NWD1: variants seen among roughly 807,000 people sequenced by gnomAD.
The protein encoded by NWD1 is NACHT and WD repeat domain containing 1.
NWD1 carries 129 observed loss-of-function variants against 135.1 expected under a neutral mutation model. That is an observed-to-expected ratio of 0.96 (90% CI 0.83 to 1.11). NWD1 has a LOEUF of 1.11. NWD1 is among the 50% of genes least tolerant of loss of function. The pLI is 0.00. For synonymous variants in NWD1, 773 were observed against 786.0 expected (o/e 0.98, Z 0.28); for missense variants, 1,740 against 1,851.3 (o/e 0.94, Z 1.10).
At chr19:16,731,410 G>A (rs57820084) in intron 3 of NWD1, 132 bp downstream of exon 3, 33,199 of 580,414 alleles carry the variant, frequency 0.057, 1,441 homozygotes, top group African/African-American at 0.17. Context: ...GGGTTCAAGC[G>A]ATTCTCCTGC....
intron 12 of NWD1, among the ~76,000 whole-genome samples, chr19:16,783,247 C>T (rs1240186713): frequency 1.3e-5 from 2 of 151,888 alleles, no homozygotes; most frequent in Non-Finnish European, 2.9e-5. Flanking sequence ...GTTTCCCAGG[C>T]TGGTCTTGAA....
At chr19:16,787,901 AATAATCATCATC>A (rs1157441209) in intron 12 of NWD1, among the ~76,000 whole-genome samples, 930 of 84,252 alleles carry the variant, frequency 0.011, 3 homozygotes, top group Middle Eastern at 0.015. Context: ...TAATAATAAT[AATAATCATCATC>A]ATCATCATCA....
intron 1 of NWD1, chr19:16,721,626 T>C (rs1184090976): frequency 5.4e-5 from 4 of 74,144 alleles, no homozygotes; most frequent in African/African-American, 2.2e-4. Context: ...AGGTGAGTTG[T>C]GGGAAGGTGG....
At chr19:16,771,262 G>A (rs1383274199) in intron 10 of NWD1, among the ~76,000 whole-genome samples, 1 of 152,148 alleles carries the variant, frequency 6.6e-6, no homozygotes, top group Non-Finnish European at 1.5e-5. Context: ...GACCAGCCTT[G>A]GTGACAGTGA....
chr19:16,794,846 A>G (rs1970368085), intron 15 of NWD1, among the ~76,000 whole-genome samples: 1 of 152,060 alleles, frequency 6.6e-6, no homozygotes, highest in Admixed American at 6.6e-5. Context: ...GAGTGGCTCA[A>G]TCATAATTCA....
At chr19:16,767,894 G>A (rs112003509) in intron 10 of NWD1, among the ~76,000 whole-genome samples, 6,323 of 150,274 alleles carry the variant, frequency 0.042, 402 homozygotes, top group African/African-American at 0.14. Context: ...GTATTTTACA[G>A]TATTTGTCCT....
chr19:16,809,046 G>T (rs1438949161), intron 18 of NWD1, among the ~76,000 whole-genome samples: 1 of 152,024 alleles, frequency 6.6e-6, no homozygotes, highest in Non-Finnish European at 1.5e-5. Flanking sequence ...ATAGAGCAAG[G>T]CCTGTCTCAA....
chr19:16,814,544 AC>A (rs1433516244), intron 18 of NWD1, among the ~76,000 whole-genome samples: 2 of 152,246 alleles, frequency 1.3e-5, no homozygotes, highest in Non-Finnish European at 2.9e-5. Context: ...GGTGGAGCCT[AC>A]TACATTGTAG....
chr19:16,773,902 C>T (rs1020043056), intron 11 of NWD1, among the ~76,000 whole-genome samples: 1 of 148,034 alleles, frequency 6.8e-6, no homozygotes, highest in African/African-American at 2.5e-5. Context: ...CATCCATCCA[C>T]CAGCCTCCCA....
intron 1 of NWD1, among the ~76,000 whole-genome samples, chr19:16,722,944 C>T (rs1171585924): frequency 1.3e-5 from 2 of 152,124 alleles, no homozygotes; most frequent in Non-Finnish European, 2.9e-5. Flanking sequence ...TGTCACACAT[C>T]ACTGCTGGGA....
intron 18 of NWD1, among the ~76,000 whole-genome samples, chr19:16,811,249 C>T (rs921454881): frequency 3.3e-5 from 5 of 152,124 alleles, no homozygotes; most frequent in Non-Finnish European, 5.9e-5. Context: ...ATCCGTATAA[C>T]CAAAGTAATT....
chr19:16,751,548 C>T (rs1968580287), intron 6 of NWD1, among the ~76,000 whole-genome samples: 2 of 148,610 alleles, frequency 1.3e-5, no homozygotes, highest in East Asian at 2.1e-4. Context: ...CGCTTTTAAT[C>T]GCAGCACTTT....
chr19:16,802,605 T>G (rs548202957), intron 17 of NWD1, among the ~76,000 whole-genome samples: 131 of 152,166 alleles, frequency 8.6e-4, no homozygotes, highest in African/African-American at 3.1e-3. Flanking sequence ...AAGCAGAAGC[T>G]GGCACCATGC....
intron 17 of NWD1, among the ~76,000 whole-genome samples, chr19:16,807,243 C>T (rs1599562633): frequency 6.6e-6 from 1 of 151,826 alleles, no homozygotes; most frequent in Non-Finnish European, 1.5e-5. Flanking sequence ...CCTGTAATCC[C>T]AGCACTTTGG....
At chr19:16,767,625 A>G (rs1969272486) in intron 10 of NWD1, among the ~76,000 whole-genome samples, 2 of 152,128 alleles carry the variant, frequency 1.3e-5, no homozygotes, top group South Asian at 4.2e-4. Context: ...AATAAAACCC[A>G]AAAAACCATC....
intron 3 of NWD1, among the ~76,000 whole-genome samples, chr19:16,735,847 A>AAGG (rs1967783204): frequency 2.0e-5 from 1 of 50,846 alleles, no homozygotes; most frequent in Non-Finnish European, 4.4e-5. Flanking sequence ...GGAAGGAAGG[A>AAGG]AGGAAGGAAG....
At chr19:16,738,925 G>T (rs1045723403) in intron 4 of NWD1, among the ~76,000 whole-genome samples, 1 of 130,832 alleles carries the variant, frequency 7.6e-6, no homozygotes, top group Non-Finnish European at 1.6e-5. Flanking sequence ...TTGAGACAAG[G>T]TCTTGCTATG....
chr19:16,749,983 T>G lies in NWD1; in HGVS notation c.1341T>G (p.His447Gln). ...TGGATGACCTGGACTCTGTCCGCCA[T>G]GCTCGGAGGGTTCCCTGGCTGCCTC... ...DAMDDLDSVR[H>Q]ARRVPWLPLN... The change falls in exon 6 of 19, where the codon CAT becomes CAG. Residue 447 changes from histidine (H) to glutamine (Q), a missense_variant. Transcript: ENST00000524140. 2 of 1,613,902 alleles carry G rather than the reference T, an allele frequency of 1.2e-6. No homozygotes were observed. The highest frequency in any genetic ancestry group is 1.7e-6 in the Non-Finnish European group (2 of 1,180,000).
At chr19:16,806,467 C>A (rs1970747974) in intron 17 of NWD1, among the ~76,000 whole-genome samples, 1 of 152,182 alleles carries the variant, frequency 6.6e-6, no homozygotes, top group South Asian at 2.1e-4. Context: ...TGCCTGTAAT[C>A]CCAGTACTTT....
Sources: gnomAD v4.1 joint callset for allele counts (sites outside exome capture counted in the v4.1 genomes callset) on GRCh38, gnomAD v4.1.1 for gene constraint, MANE v1.5 for transcripts, NCBI Gene and HGNC (gene_info 2026-07-23, HGNC 2026-07-21) for gene names.